CAPN3: variants seen among roughly 807,000 people sequenced by gnomAD.
CAPN3 encodes the protein calpain 3.
In CAPN3, 88 loss-of-function variants were observed where a neutral mutation model predicts 114.0. The observed-to-expected ratio is 0.77, with a 90% CI of 0.65 to 0.92. The LOEUF is 0.92. Among genes scored for constraint, CAPN3 ranks in the 40% least tolerant of loss-of-function variants. The pLI, the probability that CAPN3 is intolerant of heterozygous loss-of-function variation, is 0.00. For missense variants in CAPN3, 1,028 were observed against 1,069.0 expected (o/e 0.96, Z 0.53); for synonymous variants, 386 against 382.9 (o/e 1.01, Z -0.09).
rs756715004 is a variant in CAPN3 at position 42,401,808 on chromosome 15, G to A, written c.1522G>A (p.Glu508Lys). 1.2e-5 allele frequency: 20 copies of A among 1,612,490 alleles called. No homozygotes were observed. The highest frequency in any genetic ancestry group is 2.2e-5 in the South Asian group (2 of 90,870). ...SLFTIGFAIY[E>K]VPKEMHGNKQ... Reference sequence around the variant, plus strand: ...CTTCACCATTGGCTTCGCCATCTACGAGGTGTGCAGTCCTGATTGGCTCCA... The same window carrying A: ...CTTCACCATTGGCTTCGCCATCTACAAGGTGTGCAGTCCTGATTGGCTCCA... Residue 508 changes from glutamate to lysine, a missense_variant and splice_region_variant, in exon 11 of 24, where the codon GAG (glutamate) becomes AAG (lysine). Coordinates refer to ENST00000397163, the MANE Select transcript of CAPN3 (RefSeq NM_000070.3).
rs111814065 is a variant in CAPN3, at chr15:42,404,040, C to CAGAG, written c.1782+263_1782+264insAGAG. The stretch of plus-strand genomic sequence containing the variant: ...GGAAAGGAGAAGCAATTTGAACAAT[C>CAGAG]GGAGGGAACAAGGCCACAGGAAGGG... On this transcript the variant is annotated intron_variant, in intron 14 of 23. Coordinates refer to ENST00000397163, the MANE Select transcript of CAPN3 (RefSeq NM_000070.3). 0.077 allele frequency: 45,349 copies of CAGAG among 587,002 alleles called. 5,130 individuals are homozygous for CAGAG. The highest frequency in any genetic ancestry group is 0.41 in the African/African-American group (22,018 of 54,176). The allele number at this position is 587,002 out of a possible 1,614,324, so 36.4% of individuals were successfully genotyped here. A position where few individuals can be genotyped will look rare whatever the true frequency, so the allele number is the denominator to read the frequency against.
chr15:42,398,342 T>C (rs1035848974), intron 9 of CAPN3, among the ~76,000 whole-genome samples: 2 of 152,048 alleles, frequency 1.3e-5, no homozygotes, highest in African/African-American at 2.4e-5. Flanking sequence ...CCCAGCACCT[T>C]GGGAGGCTGA....
chr15:42,363,544 T>C (rs728507), intron 1 of CAPN3, among the ~76,000 whole-genome samples: 4,738 of 152,272 alleles, frequency 0.031, 209 homozygotes, highest in African/African-American at 0.095. Context: ...TCTTGGCTTC[T>C]GTCTTTCTCT....
At chr15:42,387,062 T>C (rs1038600112) in intron 3 of CAPN3, among the ~76,000 whole-genome samples, 1 of 152,148 alleles carries the variant, frequency 6.6e-6, no homozygotes, top group Non-Finnish European at 1.5e-5. Context: ...TCCTGCCGCC[T>C]TGGGAACATG....
intron 16 of CAPN3, 86 bp from the exon 17 acceptor site, chr15:42,409,217 T>G: frequency 7.8e-7 from 1 of 1,284,306 alleles, no homozygotes; most frequent in Non-Finnish European, 1.1e-6. Context: ...TTTTAGGCAC[T>G]TGGCTCCCTT....
At chr15:42,360,742 A>G (rs1365876910) in intron 1 of CAPN3, among the ~76,000 whole-genome samples, 1 of 152,190 alleles carries the variant, frequency 6.6e-6, no homozygotes, top group Non-Finnish European at 1.5e-5. Flanking sequence ...AAATATATCT[A>G]GTGGGCACAT....
At position 42,359,939 on chromosome 15, in the gene CAPN3, C is replaced by T; in HGVS notation, c.134C>T (p.Ala45Val). ...GGAAACCCAAGTGGCATCTATTCAG[C>T]CATCATCAGCCGCAATTTTCCTATT... is the stretch of plus-strand genomic sequence containing the variant. Reference protein sequence around the residue: ...GGGNPSGIYSAIISRNFPIIG... With the variant: ...GGGNPSGIYSVIISRNFPIIG... The change falls in exon 1 of 24, where the codon GCC becomes GTC. Residue 45 changes from alanine to valine, a missense_variant. Transcript: ENST00000397163. 1 of 1,614,172 alleles carries T rather than the reference C, an allele frequency of 6.2e-7. No homozygotes were observed. Among genetic ancestry groups the T allele is most frequent in the Middle Eastern group, 1.6e-4 (1 of 6,062 alleles).
chr15:42,360,210 G>A, intron 1 of CAPN3, 96 bp downstream of exon 1: 1 of 1,323,536 alleles, frequency 7.6e-7, no homozygotes. Flanking sequence ...ATGGGCACTG[G>A]GGGAAGGATC....
chr15:42,404,998 C>T (rs2053978102), intron 14 of CAPN3: 2 of 990,366 alleles, frequency 2.0e-6, no homozygotes, highest in Non-Finnish European at 2.4e-6. Flanking sequence ...TGTCCCTGCA[C>T]TGACACAGTT....
intron 4 of CAPN3, among the ~76,000 whole-genome samples, 185 bp downstream of exon 4, chr15:42,388,071 A>G (rs1157286601): frequency 1.3e-5 from 2 of 152,236 alleles, no homozygotes; most frequent in Non-Finnish European, 2.9e-5. Flanking sequence ...AACTAAAAAC[A>G]TTAAATTTAA....
At chr15:42,404,070 C>CAAGGCCACAGG (rs2053951539) in intron 14 of CAPN3, 2 of 546,512 alleles carry the variant, frequency 3.7e-6, no homozygotes, top group African/African-American at 3.8e-5. Context: ...GAAGGGATGA[C>CAAGGCCACAGG]AAGAGCCGCA....
In CAPN3 at chr15:42,407,625, G is replaced by A. The variant is rs191559346; in HGVS notation, c.1801-586G>A. Among the ~76,000 whole-genome samples the A allele has an allele frequency of 1.4e-4, 21 of 152,236 alleles. No individual in the cohort carries two copies. In the East Asian group the frequency reaches 3.7e-3, roughly 27 times the overall value. ...ATTACAGGCGTGAGCCACCGTGCCCGGCCAGAGAGGATATTTCTTATATGA... is the reference window on the plus strand; with the variant it reads ...ATTACAGGCGTGAGCCACCGTGCCCAGCCAGAGAGGATATTTCTTATATGA... On this transcript the variant is annotated intron_variant, in intron 15 of 23. Transcript: ENST00000397163.
At position 42,409,919 on chromosome 15, in the gene CAPN3, C is replaced by T. The variant is rs751123762; in HGVS notation, c.2051-12C>T. On this transcript the variant is annotated splice_polypyrimidine_tract_variant and intron_variant, in intron 18 of 23. Transcript: ENST00000397163. ...TCTCAAAGCAGCTCCTCACTCTTCT[C>T]CATCCCCCCAGACAAGGACCTGAAG... The T allele has an allele frequency of 6.2e-7, 1 of 1,612,638 alleles. No individual in the cohort carries two copies.
At chr15:42,388,749 A>C (rs1456221860) in intron 4 of CAPN3, among the ~76,000 whole-genome samples, 179 bp from the exon 5 acceptor site, 1 of 152,036 alleles carries the variant, frequency 6.6e-6, no homozygotes, top group African/African-American at 2.4e-5. Flanking sequence ...TCTTGAGCTC[A>C]GTTTCTTCAT....
Position 42,408,193 on chromosome 15 carries a change from C to G in CAPN3, c.1801-18C>G. 6.4e-7 allele frequency: 1 copy of G among 1,567,342 alleles called. No individual in the cohort carries two copies. Among genetic ancestry groups the G allele is most frequent in the Non-Finnish European group, 8.8e-7 (1 of 1,138,710 alleles). On this transcript the variant is annotated intron_variant, in intron 15 of 23. Transcript: ENST00000397163. Reference sequence around the variant, plus strand: ...TGTAATCCTCCCTTCCTTCCTGCCTCCTCCCTCCTCTCTCCAGCCCATCAT... The same window carrying G: ...TGTAATCCTCCCTTCCTTCCTGCCTGCTCCCTCCTCTCTCCAGCCCATCAT...
intron 1 of CAPN3, among the ~76,000 whole-genome samples, chr15:42,371,903 G>T (rs1459433041): frequency 6.6e-6 from 1 of 151,692 alleles, no homozygotes; most frequent in African/African-American, 2.4e-5. Context: ...GACAGAGGTT[G>T]CAATGAGCCA....
intron 1 of CAPN3, among the ~76,000 whole-genome samples, chr15:42,382,408 G>A (rs530171558): frequency 5.9e-5 from 9 of 151,900 alleles, no homozygotes; most frequent in Non-Finnish European, 1.0e-4. Context: ...TCACTCTGTC[G>A]CCCAGGCTGG....
chr15:42,382,214 T>A (rs1313638091), intron 1 of CAPN3, among the ~76,000 whole-genome samples: 1 of 152,186 alleles, frequency 6.6e-6, no homozygotes, highest in Non-Finnish European at 1.5e-5. Flanking sequence ...AACAATGTTT[T>A]TTTTTTTCTT....
Position 42,389,889 on chromosome 15 carries a change from C to T in CAPN3, c.802-64C>T, listed in dbSNP as rs374073070. On this transcript the variant is annotated intron_variant, in intron 5 of 23. Coordinates refer to ENST00000397163, the MANE Select transcript of CAPN3 (RefSeq NM_000070.3). Reference sequence around the variant, plus strand: ...TCTTTCTCCTCTCTCCTTCCCTTTCCACCCTTCTGTGTTTGTTCTCTCCCT... The same window carrying T: ...TCTTTCTCCTCTCTCCTTCCCTTTCTACCCTTCTGTGTTTGTTCTCTCCCT... 3,393 of 1,562,388 alleles carry T rather than the reference C, an allele frequency of 2.2e-3. 93 individuals carry two copies. The South Asian group carries it at 0.035, about 16-fold the overall frequency.
Sources: allele counts gnomAD v4.1 joint callset (sites outside exome capture counted in the v4.1 genomes callset), GRCh38; gene constraint gnomAD v4.1.1; transcripts MANE v1.5; gene names NCBI Gene and HGNC (gene_info 2026-07-23, HGNC 2026-07-21).